The following CORIN variants were observed in gnomAD, a reference collection of about 807,000 sequenced individuals.
The protein encoded by CORIN is atrial natriuretic peptide-converting enzyme.
In CORIN, 117 loss-of-function variants were observed where a neutral mutation model predicts 125.3. That is an observed-to-expected ratio of 0.93 (90% CI 0.80 to 1.09). The LOEUF (loss-of-function observed/expected upper bound fraction) is 1.09. Among genes scored for constraint, CORIN ranks in the 50% least tolerant of loss-of-function variants. CORIN has a pLI of 0.00. For synonymous variants in CORIN, 450 were observed against 466.4 expected, an observed-to-expected ratio of 0.96 and a Z score of 0.45; for missense variants, 1,253 against 1,306.7, an observed-to-expected ratio of 0.96 and a Z score of 0.63.
At chr4:47,623,971 GT>G in intron 17 of CORIN, 23 bp from the exon 18 acceptor site, 1 of 1,600,426 alleles carries the variant, frequency 6.2e-7, no homozygotes, top group Non-Finnish European at 8.6e-7. Context: ...ACATAAAATG[GT>G]ATAACATTAA....
chr4:47,604,802 CCTTA>C (rs1384494816), intron 19 of CORIN, among the ~76,000 whole-genome samples: 1 of 152,166 alleles, frequency 6.6e-6, no homozygotes, highest in Non-Finnish European at 1.5e-5. Context: ...AGTCCATTTT[CCTTA>C]CTATCAGGAT....
chr4:47,612,589 A>G (rs1204011120), intron 19 of CORIN, among the ~76,000 whole-genome samples: 1 of 152,188 alleles, frequency 6.6e-6, no homozygotes. Context: ...TAGAGAAGAG[A>G]AATCAGTGAC....
chr4:47,813,858 C>T (rs73137914), intron 1 of CORIN, among the ~76,000 whole-genome samples: 55 of 152,248 alleles, frequency 3.6e-4, no homozygotes, highest in African/African-American at 1.3e-3. Context: ...GTGGATTTAG[C>T]TAAAATTCTA....
intron 2 of CORIN, among the ~76,000 whole-genome samples, chr4:47,805,146 A>AT (rs1553919324): frequency 1.3e-3 from 185 of 143,036 alleles, no homozygotes; most frequent in Middle Eastern, 3.8e-3. Flanking sequence ...AAAAAAAAAA[A>AT]AAAATAATAA....
intron 1 of CORIN, among the ~76,000 whole-genome samples, chr4:47,817,967 T>C (rs1732346916): frequency 6.6e-6 from 1 of 152,196 alleles, no homozygotes; most frequent in Non-Finnish European, 1.5e-5. Flanking sequence ...TAGATTTCAT[T>C]TGAAAACAAA....
chr4:47,794,397 CT>C (rs1020883660), intron 2 of CORIN, among the ~76,000 whole-genome samples: 8 of 152,082 alleles, frequency 5.3e-5, no homozygotes, highest in Non-Finnish European at 1.0e-4. Context: ...GTTTATTAAA[CT>C]TTCTATAGTC....
intron 19 of CORIN, among the ~76,000 whole-genome samples, chr4:47,622,412 G>A (rs557707021): frequency 1.3e-5 from 2 of 149,364 alleles, no homozygotes; most frequent in African/African-American, 4.9e-5. Flanking sequence ...CTAGATCCCT[G>A]AGGAATCGCC....
chr4:47,798,339 ATCAATAATCTTC>A (rs1201972509), intron 2 of CORIN, among the ~76,000 whole-genome samples: 2 of 152,140 alleles, frequency 1.3e-5, no homozygotes, highest in Non-Finnish European at 2.9e-5. Context: ...ATCTTTTCTA[ATCAATAATCTTC>A]TCATTATTAT....
chr4:47,671,335 G>T (rs1369290763), intron 10 of CORIN, among the ~76,000 whole-genome samples: 1 of 152,100 alleles, frequency 6.6e-6, no homozygotes, highest in Admixed American at 6.5e-5. Context: ...ATTTTCCTTT[G>T]GCATCAAGCA....
At chr4:47,765,262 G>T (rs561966422) in intron 3 of CORIN, among the ~76,000 whole-genome samples, 1 of 151,268 alleles carries the variant, frequency 6.6e-6, no homozygotes, top group Non-Finnish European at 1.5e-5. Context: ...AGTGAGCTGA[G>T]ATCGCGCCAC....
At chr4:47,623,506 T>C (rs1293299363) in intron 19 of CORIN, 65 bp downstream of exon 19, 1 of 1,545,056 alleles carries the variant, frequency 6.5e-7, no homozygotes, top group East Asian at 2.3e-5. Flanking sequence ...CATATGCCAC[T>C]GAGAATTCCC....
intron 21 of CORIN, among the ~76,000 whole-genome samples, chr4:47,598,406 G>T (rs1015467512): frequency 6.6e-6 from 1 of 152,096 alleles, no homozygotes; most frequent in Admixed American, 6.6e-5. Flanking sequence ...ACTGAACTCA[G>T]TATACACCAC....
chr4:47,635,486 G>A (rs773755452), intron 16 of CORIN, among the ~76,000 whole-genome samples: 7 of 152,174 alleles, frequency 4.6e-5, no homozygotes, highest in Non-Finnish European at 1.0e-4. Flanking sequence ...TGTATTCTAT[G>A]CAAAAATAAC....
At chr4:47,835,250 A>G (rs961254518) in intron 1 of CORIN, among the ~76,000 whole-genome samples, 2 of 152,180 alleles carry the variant, frequency 1.3e-5, no homozygotes, top group Non-Finnish European at 2.9e-5. Flanking sequence ...CTCATTTTCC[A>G]TTTGGTCCAG....
chr4:47,687,859 C>T (rs1371129482), intron 6 of CORIN, among the ~76,000 whole-genome samples: 4 of 152,182 alleles, frequency 2.6e-5, no homozygotes, highest in African/African-American at 4.8e-5. Flanking sequence ...GGCTTCTTGA[C>T]TCTCTGAGTT....
chr4:47,622,726 A>G (rs535130614), intron 19 of CORIN, among the ~76,000 whole-genome samples: 1 of 152,320 alleles, frequency 6.6e-6, no homozygotes, highest in African/African-American at 2.4e-5. Flanking sequence ...CTCTCCAGCA[A>G]GAAGGAATTC....
intron 4 of CORIN, among the ~76,000 whole-genome samples, chr4:47,755,034 C>T (rs931509331): frequency 6.6e-6 from 1 of 152,168 alleles, no homozygotes; most frequent in East Asian, 1.9e-4. Flanking sequence ...CCATGGGCCA[C>T]TGTAAACGGA....
chr4:47,748,008 C>A (rs1728734267), intron 4 of CORIN, among the ~76,000 whole-genome samples: 1 of 152,154 alleles, frequency 6.6e-6, no homozygotes, highest in Non-Finnish European at 1.5e-5. Context: ...CCATTAGGCC[C>A]TCCATTCTAA....
intron 11 of CORIN, among the ~76,000 whole-genome samples, chr4:47,663,265 T>A (rs1049906530): frequency 1.3e-5 from 2 of 152,166 alleles, no homozygotes; most frequent in African/African-American, 2.4e-5. Flanking sequence ...CGCTACAGCA[T>A]AACAATCCTC....
Sources: allele counts gnomAD v4.1 joint callset (sites outside exome capture counted in the v4.1 genomes callset), GRCh38; gene constraint gnomAD v4.1.1; transcripts MANE v1.5; gene names NCBI Gene and HGNC (gene_info 2026-07-23, HGNC 2026-07-21).